The following VAT1L variants were observed in gnomAD, a reference collection of about 807,000 sequenced individuals.
VAT1L encodes the protein vesicle amine transport 1 like.
In VAT1L, 34 loss-of-function variants were observed where a neutral mutation model predicts 44.1. The observed-to-expected ratio is 0.77, with a 90% CI of 0.59 to 1.03. The LOEUF (loss-of-function observed/expected upper bound fraction) is 1.03. Ranked by LOEUF, VAT1L falls within the 50% of genes least tolerant of loss-of-function variation. VAT1L has a pLI of 0.00. For missense variants in VAT1L, 615 were observed against 538.8 expected (o/e 1.14, Z -1.40); for synonymous variants, 253 against 202.2 (o/e 1.25, Z -2.13).
rs769542288 is a variant in VAT1L at position 77,788,895 on chromosome 16, C to T, written c.213C>T (p.Leu71=). The change falls in exon 1 of 9, where the codon CTC becomes CTT. Residue 71 remains leucine, a synonymous_variant. Coordinates refer to ENST00000302536, the MANE Select transcript of VAT1L (RefSeq NM_020927.3). Reference sequence around the variant, plus strand: ...TGCCCGAGCCTCAGGACGGCGAGCTCAAGATCCGCGTCAAAGCCTGGTCCA... The same window carrying T: ...TGCCCGAGCCTCAGGACGGCGAGCTTAAGATCCGCGTCAAAGCCTGGTCCA... The part of the protein sequence containing the change: ...KAMPEPQDGE[L]KIRVKACGLN... 8.5e-6 allele frequency: 13 copies of T among 1,537,220 alleles called. No homozygotes were observed. The highest frequency in any genetic ancestry group is 2.5e-5 in the South Asian group (2 of 80,626).
intron 7 of VAT1L, among the ~76,000 whole-genome samples, chr16:77,913,131 G>A (rs2017516154): frequency 6.6e-6 from 1 of 152,238 alleles, no homozygotes; most frequent in African/African-American, 2.4e-5. Flanking sequence ...AAAACATTTA[G>A]AAAGAGTTGT....
intron 7 of VAT1L, among the ~76,000 whole-genome samples, chr16:77,921,608 T>C (rs1259643312): frequency 1.3e-5 from 2 of 152,242 alleles, no homozygotes; most frequent in Admixed American, 6.5e-5. Context: ...CTGTTCCTCT[T>C]ACCTGTGACT....
intron 7 of VAT1L, among the ~76,000 whole-genome samples, chr16:77,939,825 A>T (rs2017856181): frequency 6.6e-6 from 1 of 152,234 alleles, no homozygotes; most frequent in African/African-American, 2.4e-5. Context: ...CCAGGGCATT[A>T]TAAATTTAAA....
chr16:77,921,100 G>T (rs550387046), intron 7 of VAT1L, among the ~76,000 whole-genome samples: 2 of 152,256 alleles, frequency 1.3e-5, no homozygotes, highest in African/African-American at 4.8e-5. Context: ...GGGCTACCTG[G>T]AAATCTGTTT....
chr16:77,794,826 G>T (rs1417042878), intron 1 of VAT1L, among the ~76,000 whole-genome samples: 1 of 152,148 alleles, frequency 6.6e-6, no homozygotes, highest in Non-Finnish European at 1.5e-5. Context: ...CTCATTTGAT[G>T]ATGAGAAAGA....
intron 3 of VAT1L, among the ~76,000 whole-genome samples, chr16:77,839,805 A>T (rs977140224): frequency 6.6e-6 from 1 of 152,134 alleles, no homozygotes; most frequent in African/African-American, 2.4e-5. Context: ...GTTCAATAAG[A>T]ATTAAATATC....
At chr16:77,962,739 A>AGAAGGAAGGAAGGAAAGAAG in intron 7 of VAT1L, among the ~76,000 whole-genome samples, 1 of 129,446 alleles carries the variant, frequency 7.7e-6, no homozygotes, top group Admixed American at 8.1e-5. Flanking sequence ...AAAGAAGGAA[A>AGAAGGAAGGAAGGAAAGAAG]GAAGGAAGGA....
chr16:77,824,549 A>G (rs995561451), intron 2 of VAT1L, among the ~76,000 whole-genome samples: 2 of 151,850 alleles, frequency 1.3e-5, no homozygotes, highest in Admixed American at 6.6e-5. Flanking sequence ...GGGTCAGGAG[A>G]TCGAGACCAT....
chr16:77,908,581 G>A (rs527483442), intron 7 of VAT1L, among the ~76,000 whole-genome samples: 1 of 151,946 alleles, frequency 6.6e-6, no homozygotes, highest in Admixed American at 6.5e-5. Context: ...AGAAGAAGAG[G>A]TGCTCATTGT....
At chr16:77,810,398 T>C (rs1196771286) in intron 1 of VAT1L, among the ~76,000 whole-genome samples, 3 of 152,168 alleles carry the variant, frequency 2.0e-5, no homozygotes, top group African/African-American at 7.2e-5. Context: ...TGATGAATAA[T>C]AAAGTTTGAG....
chr16:77,915,109 G>C (rs1176507670), intron 7 of VAT1L, among the ~76,000 whole-genome samples: 1 of 151,670 alleles, frequency 6.6e-6, no homozygotes, highest in Admixed American at 6.6e-5. Context: ...TGGGTGACAA[G>C]AGCAAAATTC....
At chr16:77,961,525 T>A (rs1428063654) in intron 7 of VAT1L, among the ~76,000 whole-genome samples, 1 of 152,176 alleles carries the variant, frequency 6.6e-6, no homozygotes, top group African/African-American at 2.4e-5. Flanking sequence ...CCTCTTCTTA[T>A]CGAGGACTGG....
At chr16:77,931,299 A>T (rs981712758) in intron 7 of VAT1L, among the ~76,000 whole-genome samples, 16 of 152,224 alleles carry the variant, frequency 1.1e-4, no homozygotes, top group African/African-American at 3.9e-4. Context: ...CTAGGCTTTA[A>T]CTGTATTAGT....
Position 77,788,911 on chromosome 16 carries a change from G to A in VAT1L, c.229G>A (p.Ala77Thr). ...CGGCGAGCTCAAGATCCGCGTCAAA[G>A]CCTGGTCCAGTATCCGCGCCTTTCT... ...QDGELKIRVKACGLNFIDLMV... is the reference protein window; with the variant it reads ...QDGELKIRVKTCGLNFIDLMV... The change falls in exon 1 of 9, where the codon GCC becomes ACC. Residue 77 changes from alanine (A) to threonine (T), a missense_variant. By Grantham distance (58) the Ala-to-Thr change is moderately conservative. Coordinates refer to ENST00000302536, the MANE Select transcript of VAT1L (RefSeq NM_020927.3). 1 of 1,509,214 alleles carries A rather than the reference G, an allele frequency of 6.6e-7. No homozygotes were observed. Among genetic ancestry groups the A allele is most frequent in the Non-Finnish European group, 8.8e-7 (1 of 1,130,188 alleles). 93.5% of individuals were successfully genotyped at this position (1,509,214 alleles called of 1,614,324 possible). A position where few individuals can be genotyped will look rare whatever the true frequency, so the allele number is the denominator to read the frequency against.
chr16:77,917,556 C>T (rs1166395688), intron 7 of VAT1L, among the ~76,000 whole-genome samples: 2 of 152,080 alleles, frequency 1.3e-5, no homozygotes, highest in East Asian at 3.8e-4. Context: ...AGAGAATAAA[C>T]CATAGTTTCT....
intron 7 of VAT1L, among the ~76,000 whole-genome samples, chr16:77,954,460 A>G (rs1009452561): frequency 6.6e-6 from 1 of 152,158 alleles, no homozygotes; most frequent in Non-Finnish European, 1.5e-5. Context: ...CCCGGTCTCT[A>G]CTAAAACTAT....
At chr16:77,799,375 C>G (rs1393249309) in intron 1 of VAT1L, among the ~76,000 whole-genome samples, 2 of 151,914 alleles carry the variant, frequency 1.3e-5, no homozygotes, top group Non-Finnish European at 2.9e-5. Flanking sequence ...CTGCCTCCCT[C>G]TCTCTCCTCT....
At chr16:77,953,216 A>G (rs956230106) in intron 7 of VAT1L, among the ~76,000 whole-genome samples, 1 of 152,186 alleles carries the variant, frequency 6.6e-6, no homozygotes, top group Non-Finnish European at 1.5e-5. Flanking sequence ...GTAGGAACCA[A>G]TCCGGCTGAC....
chr16:77,931,803 T>C (rs1302870429), intron 7 of VAT1L, among the ~76,000 whole-genome samples: 3 of 152,188 alleles, frequency 2.0e-5, no homozygotes, highest in African/African-American at 7.2e-5. Context: ...CTAGAGTTAG[T>C]AGGGTTAGTA....
Sources: gnomAD v4.1 joint callset for allele counts (sites outside exome capture counted in the v4.1 genomes callset) on GRCh38, gnomAD v4.1.1 for gene constraint, MANE v1.5 for transcripts, NCBI Gene and HGNC (gene_info 2026-07-23, HGNC 2026-07-21) for gene names.